Variants in BTRC observed in about 807,000 individuals in gnomAD.
BTRC encodes the protein beta-transducin repeat containing E3 ubiquitin protein ligase.
BTRC carries 42 observed loss-of-function variants against 85.5 expected under a neutral mutation model. The observed-to-expected ratio is 0.49, with a 90% CI of 0.38 to 0.64. The LOEUF (loss-of-function observed/expected upper bound fraction) is 0.64. Ranked by LOEUF, BTRC falls within the 30% of genes least tolerant of loss-of-function variation. BTRC has a pLI of 0.00. For missense variants in BTRC, 594 were observed against 743.5 expected, an observed-to-expected ratio of 0.80 and a Z score of 2.34; for synonymous variants, 255 against 263.3, an observed-to-expected ratio of 0.97 and a Z score of 0.30.
chr10:101,417,044 C>G (rs1418417504), intron 1 of BTRC, among the ~76,000 whole-genome samples: 1 of 151,654 alleles, frequency 6.6e-6, no homozygotes, highest in Non-Finnish European at 1.5e-5. Context: ...GAATAAGGTT[C>G]TGACATGATG....
intron 4 of BTRC, among the ~76,000 whole-genome samples, chr10:101,498,775 A>C (rs1946328415): frequency 6.6e-6 from 1 of 152,068 alleles, no homozygotes; most frequent in African/African-American, 2.4e-5. Flanking sequence ...CAGATGACCG[A>C]AGGTCAGGAG....
intron 3 of BTRC, among the ~76,000 whole-genome samples, chr10:101,477,164 T>C (rs1258420448): frequency 1.3e-5 from 2 of 151,942 alleles, no homozygotes; most frequent in African/African-American, 2.4e-5. Context: ...TTTTTTATTT[T>C]CTTTTTTTGT....
rs75300881 is a variant in BTRC, at chr10:101,369,222, T to A, written c.48+14994T>A. Among the ~76,000 whole-genome samples, 311 of 151,990 alleles carry A rather than the reference T, an allele frequency of 2.0e-3. 2 individuals are homozygous for A. The highest frequency in any genetic ancestry group is 5.2e-3 in the East Asian group (27 of 5,184). Reference sequence around the variant, plus strand: ...TTTCCCCTATTGGAGTATTATTATTTTTTTTTTTTTAAAGAGATGGGTTCT... The same window carrying A: ...TTTCCCCTATTGGAGTATTATTATTATTTTTTTTTTAAAGAGATGGGTTCT... On this transcript the variant is annotated intron_variant, in intron 1 of 14. Coordinates refer to ENST00000370187, the MANE Select transcript of BTRC (RefSeq NM_033637.4).
Position 101,367,076 on chromosome 10 carries a change from A to G in BTRC, c.48+12848A>G, listed in dbSNP as rs575952848. ...TATATATAAATATAAATATATATAT[A>G]TATATTTTTTTCGAGCTAGAGTCTC... is the stretch of plus-strand genomic sequence containing the variant. On this transcript the variant is annotated intron_variant, in intron 1 of 14. Coordinates refer to ENST00000370187, the MANE Select transcript of BTRC (RefSeq NM_033637.4). 8.7e-5 allele frequency among the ~76,000 whole-genome samples: 9 copies of G among 103,232 alleles called. 1 individual carries two copies. Among genetic ancestry groups the G allele is most frequent in the Admixed American group, 5.0e-4 (3 of 6,054 alleles). 67.7% of individuals were successfully genotyped at this position (103,232 alleles called of 152,430 possible).
chr10:101,362,465 G>A (rs11190961), intron 1 of BTRC, among the ~76,000 whole-genome samples: 20,886 of 149,652 alleles, frequency 0.14, 1,862 homozygotes, highest in Non-Finnish European at 0.2. Flanking sequence ...GCACAATCTC[G>A]GCTCACAGCA....
At chr10:101,377,912 C>T (rs1425931975) in intron 1 of BTRC, among the ~76,000 whole-genome samples, 1 of 151,328 alleles carries the variant, frequency 6.6e-6, no homozygotes, top group Non-Finnish European at 1.5e-5. Context: ...GTGTAGAACA[C>T]TTGTGGCCTT....
chr10:101,444,268 A>C (rs1362591962), intron 2 of BTRC, among the ~76,000 whole-genome samples: 1 of 152,190 alleles, frequency 6.6e-6, no homozygotes, highest in Non-Finnish European at 1.5e-5. Flanking sequence ...TATTTGTTAC[A>C]ATGCCTCCTA....
chr10:101,456,330 G>A (rs1488642439), intron 2 of BTRC, among the ~76,000 whole-genome samples: 1 of 152,004 alleles, frequency 6.6e-6, no homozygotes, highest in African/African-American at 2.4e-5. Context: ...TGCAAAAGTA[G>A]GGTCAGATGT....
intron 4 of BTRC, among the ~76,000 whole-genome samples, chr10:101,483,592 C>CA (rs34105451): frequency 0.012 from 1,697 of 144,440 alleles, 23 homozygotes; most frequent in Admixed American, 0.055. Flanking sequence ...GACTCAGTCT[C>CA]AAAAAAAAAA....
chr10:101,463,499 A>G (rs1194320468), intron 3 of BTRC, among the ~76,000 whole-genome samples: 1 of 152,200 alleles, frequency 6.6e-6, no homozygotes, highest in East Asian at 1.9e-4. Context: ...TTTTTAATAT[A>G]AAATTGGATA....
intron 11 of BTRC, 54 bp from the exon 12 acceptor site, chr10:101,536,489 C>A: frequency 7.4e-7 from 1 of 1,359,376 alleles, no homozygotes; most frequent in Non-Finnish European, 1.1e-6. Context: ...TTATAACATT[C>A]CAGGCTTAGA....
intron 4 of BTRC, among the ~76,000 whole-genome samples, chr10:101,490,379 A>G (rs958143569): frequency 2.6e-5 from 4 of 152,214 alleles, no homozygotes; most frequent in Non-Finnish European, 4.4e-5. Flanking sequence ...AGTGCTAGCT[A>G]TGTGTTACTT....
chr10:101,537,567 T>G (rs79386471), intron 12 of BTRC, among the ~76,000 whole-genome samples: 24 of 152,364 alleles, frequency 1.6e-4, no homozygotes, highest in African/African-American at 5.8e-4. Context: ...TAGGAAGAAC[T>G]CTTATCATTT....
intron 1 of BTRC, among the ~76,000 whole-genome samples, chr10:101,374,327 T>C (rs1412297630): frequency 6.6e-6 from 1 of 152,122 alleles, no homozygotes; most frequent in Non-Finnish European, 1.5e-5. Flanking sequence ...TGATGAGCAT[T>C]TTTTCATGTG....
intron 1 of BTRC, among the ~76,000 whole-genome samples, chr10:101,399,154 C>T (rs530777156): frequency 1.2e-4 from 19 of 152,136 alleles, no homozygotes; most frequent in African/African-American, 4.3e-4. Context: ...GGGGTTTCAC[C>T]ATGTTGGCCA....
intron 13 of BTRC, among the ~76,000 whole-genome samples, chr10:101,543,611 T>A (rs1483940761): frequency 7.2e-6 from 1 of 139,024 alleles, no homozygotes; most frequent in Non-Finnish European, 1.5e-5. Context: ...CCTGTTTTCA[T>A]GCTCTTTTTT....
chr10:101,381,003 G>A (rs767916664), intron 1 of BTRC, among the ~76,000 whole-genome samples: 2 of 151,960 alleles, frequency 1.3e-5, no homozygotes, highest in East Asian at 1.9e-4. Context: ...GAAAGGGTAC[G>A]GTAAAAATAC....
chr10:101,465,106 T>C (rs532504708), intron 3 of BTRC, among the ~76,000 whole-genome samples: 1 of 152,146 alleles, frequency 6.6e-6, no homozygotes, highest in Non-Finnish European at 1.5e-5. Context: ...GTTTTTTTGT[T>C]TTTGTTTTGT....
intron 5 of BTRC, among the ~76,000 whole-genome samples, chr10:101,524,642 T>G (rs1208435832): frequency 6.6e-6 from 1 of 152,154 alleles, no homozygotes; most frequent in Non-Finnish European, 1.5e-5. Flanking sequence ...CAGGAACAAT[T>G]TGATGGCACC....
Sources: gnomAD v4.1 joint callset for allele counts (sites outside exome capture counted in the v4.1 genomes callset) on GRCh38, gnomAD v4.1.1 for gene constraint, MANE v1.5 for transcripts, NCBI Gene and HGNC (gene_info 2026-07-23, HGNC 2026-07-21) for gene names.